HS6ST3: variants seen among roughly 807,000 people sequenced by gnomAD.
HS6ST3 encodes the protein heparan-sulfate 6-O-sulfotransferase 3.
Under a neutral mutation model 36.7 loss-of-function variants are expected in HS6ST3, and 12 were observed. The ratio of observed to expected loss-of-function variants is 0.33; its 90% confidence interval spans 0.21 to 0.53. The LOEUF (loss-of-function observed/expected upper bound fraction) is 0.53, where lower values mean the gene tolerates loss of function less well. HS6ST3 is among the 20% of genes least tolerant of loss of function. HS6ST3 has a pLI of 0.95. For synonymous variants in HS6ST3, 240 were observed against 257.5 expected (o/e 0.93, Z 0.65); for missense variants, 584 against 640.9 (o/e 0.91, Z 0.96).
intron 1 of HS6ST3, among the ~76,000 whole-genome samples, chr13:96,159,233 G>T (rs1306614751): frequency 6.6e-6 from 1 of 152,164 alleles, no homozygotes; most frequent in Non-Finnish European, 1.5e-5. Flanking sequence ...AAGACACAAG[G>T]ATCAATGAAG....
At chr13:96,094,524 T>C (rs948634395) in intron 1 of HS6ST3, among the ~76,000 whole-genome samples, 3 of 152,170 alleles carry the variant, frequency 2.0e-5, no homozygotes, top group Admixed American at 6.5e-5. Flanking sequence ...TGGACATCAG[T>C]CTTTGCAGGG....
At chr13:96,234,527 G>C (rs1322341904) in intron 1 of HS6ST3, among the ~76,000 whole-genome samples, 1 of 152,088 alleles carries the variant, frequency 6.6e-6, no homozygotes, top group Non-Finnish European at 1.5e-5. Context: ...TGGCTGGGGA[G>C]GCCTCATAAT....
intron 1 of HS6ST3, among the ~76,000 whole-genome samples, chr13:96,381,402 G>GTATCTATCTATCTATCTATCTATCTATC (rs1278427681): frequency 1.8e-4 from 10 of 54,712 alleles, no homozygotes; most frequent in African/African-American, 4.4e-4. Context: ...ATGTATCTAT[G>GTATCTATCTATCTATCTATCTATCTATC]TATCTATGTA....
intron 1 of HS6ST3, among the ~76,000 whole-genome samples, chr13:96,662,397 T>C (rs1163225310): frequency 6.6e-6 from 1 of 152,178 alleles, no homozygotes; most frequent in Non-Finnish European, 1.5e-5. Context: ...AGTCTATTGT[T>C]GAAGCTTTAA....
chr13:96,530,007 T>C (rs74106501), intron 1 of HS6ST3, among the ~76,000 whole-genome samples: 2,688 of 152,308 alleles, frequency 0.018, 80 homozygotes, highest in African/African-American at 0.06. Context: ...GACTTGGGGC[T>C]GATCTTCAAG....
chr13:96,703,858 G>C (rs758323366), intron 1 of HS6ST3, among the ~76,000 whole-genome samples: 1 of 152,150 alleles, frequency 6.6e-6, no homozygotes, highest in East Asian at 1.9e-4. Flanking sequence ...TCCCCATGCT[G>C]TTCTCATGCT....
At chr13:96,750,410 G>A (rs947228909) in intron 1 of HS6ST3, among the ~76,000 whole-genome samples, 6 of 152,206 alleles carry the variant, frequency 3.9e-5, no homozygotes, top group African/African-American at 1.4e-4. Context: ...CTGGGTGAAG[G>A]AGACAGGCCA....
intron 1 of HS6ST3, among the ~76,000 whole-genome samples, chr13:96,233,595 G>C (rs544129064): frequency 5.9e-5 from 9 of 152,202 alleles, no homozygotes; most frequent in Non-Finnish European, 1.3e-4. Flanking sequence ...GATAAAGCCA[G>C]TTATGAGGAA....
At chr13:96,498,341 A>G (rs1270526527) in intron 1 of HS6ST3, among the ~76,000 whole-genome samples, 1 of 152,190 alleles carries the variant, frequency 6.6e-6, no homozygotes, top group African/African-American at 2.4e-5. Context: ...GAGGTGGAGC[A>G]GGGGGAGGTC....
At chr13:96,143,521 T>G (rs1447094491) in intron 1 of HS6ST3, among the ~76,000 whole-genome samples, 2 of 151,082 alleles carry the variant, frequency 1.3e-5, no homozygotes. Context: ...AGTGGTTTAT[T>G]GCAAATGATT....
At chr13:96,556,196 A>G (rs2056240101) in intron 1 of HS6ST3, among the ~76,000 whole-genome samples, 1 of 152,154 alleles carries the variant, frequency 6.6e-6, no homozygotes, top group Non-Finnish European at 1.5e-5. Context: ...GCTATTTTTA[A>G]ATTTGGAGAG....
intron 1 of HS6ST3, among the ~76,000 whole-genome samples, chr13:96,207,398 A>G (rs1441564926): frequency 6.6e-6 from 1 of 152,054 alleles, no homozygotes; most frequent in Non-Finnish European, 1.5e-5. Context: ...AAATTAGTTC[A>G]ACCATTGTGG....
At chr13:96,131,342 T>C (rs998809041) in intron 1 of HS6ST3, among the ~76,000 whole-genome samples, 6 of 152,106 alleles carry the variant, frequency 3.9e-5, no homozygotes, top group African/African-American at 7.3e-5. Context: ...AGGCTTAGGA[T>C]ATTTTTTCTT....
chr13:96,756,833 C>G (rs749438642), intron 1 of HS6ST3, among the ~76,000 whole-genome samples: 2 of 152,194 alleles, frequency 1.3e-5, no homozygotes, highest in African/African-American at 4.8e-5. Context: ...GCAAATTGTC[C>G]TATCTACTGA....
At position 96,829,330 on chromosome 13, in the gene HS6ST3, T is replaced by A. The variant is rs983097921; in HGVS notation, c.708-3160T>A. On this transcript the variant is annotated intron_variant, in intron 1 of 1. Transcript: ENST00000376705. The stretch of plus-strand genomic sequence containing the variant: ...CTTTTTTTTTTCAATTTTTCTTTTT[T>A]TTTTAATTTTATTTTAAGTTCAGCA... 1.1e-4 allele frequency among the ~76,000 whole-genome samples: 17 copies of A among 152,276 alleles called. No individual in the cohort carries two copies. The East Asian group carries it at 3.3e-3, about 29-fold the overall frequency.
intron 1 of HS6ST3, among the ~76,000 whole-genome samples, chr13:96,809,716 C>T (rs183355237): frequency 1.7e-3 from 256 of 152,336 alleles, no homozygotes; most frequent in African/African-American, 5.7e-3. Context: ...CGCTTAATTC[C>T]TCTGCATAGG....
Position 96,728,013 on chromosome 13 carries a change from A to C in HS6ST3, c.708-104477A>C, listed in dbSNP as rs1173142445. Among the ~76,000 whole-genome samples the C allele has an allele frequency of 2.6e-5, 4 of 152,290 alleles. No homozygotes were observed. In the East Asian group the frequency reaches 5.8e-4, roughly 22 times the overall value. The stretch of plus-strand genomic sequence containing the variant: ...CCTCATCGTAGCTCTGGTTAGGCTG[A>C]TTGTAATTCTCTCTTTTCTTATCTA... On this transcript the variant is annotated intron_variant, in intron 1 of 1. Coordinates refer to ENST00000376705, the MANE Select transcript of HS6ST3 (RefSeq NM_153456.4).
intron 1 of HS6ST3, among the ~76,000 whole-genome samples, chr13:96,170,027 CAG>C (rs1361349475): frequency 6.6e-6 from 1 of 152,170 alleles, no homozygotes; most frequent in Non-Finnish European, 1.5e-5. Context: ...GAAGAAGAAT[CAG>C]AACTTGCTTA....
At chr13:96,604,019 G>C (rs2056430255) in intron 1 of HS6ST3, among the ~76,000 whole-genome samples, 1 of 152,150 alleles carries the variant, frequency 6.6e-6, no homozygotes, top group Non-Finnish European at 1.5e-5. Context: ...AATCATTGCT[G>C]TTTTATATGA....
Sources: allele counts gnomAD v4.1 joint callset (sites outside exome capture counted in the v4.1 genomes callset), GRCh38; gene constraint gnomAD v4.1.1; transcripts MANE v1.5; gene names NCBI Gene and HGNC (gene_info 2026-07-23, HGNC 2026-07-21).